Variants in TBC1D32 observed in about 807,000 individuals in gnomAD.
The protein encoded by TBC1D32 is protein broad-minded.
In TBC1D32, 151 loss-of-function variants were observed where a neutral mutation model predicts 170.3. The ratio of observed to expected loss-of-function variants is 0.89; its 90% confidence interval spans 0.78 to 1.01. The LOEUF (loss-of-function observed/expected upper bound fraction) is 1.01, where lower values mean the gene tolerates loss of function less well. Among genes scored for constraint, TBC1D32 ranks in the 50% least tolerant of loss-of-function variants. The pLI is 0.00. For synonymous variants in TBC1D32, 498 were observed against 488.0 expected (o/e 1.02, Z -0.27); for missense variants, 1,464 against 1,457.1 (o/e 1.00, Z -0.08).
At chr6:121,123,740 A>G (rs1158579235) in intron 26 of TBC1D32, among the ~76,000 whole-genome samples, 1 of 151,912 alleles carries the variant, frequency 6.6e-6, no homozygotes, top group African/African-American at 2.4e-5. Context: ...CAATGTTACT[A>G]TTAATAATAA....
Position 121,321,768 on chromosome 6 carries a change from T to C in TBC1D32, c.182A>G (p.Gln61Arg). The C allele has an allele frequency of 6.2e-7, 1 of 1,611,040 alleles. No individual in the cohort carries two copies. The highest frequency in any genetic ancestry group is 8.5e-7 in the Non-Finnish European group (1 of 1,179,156). Residue 61 changes from glutamine to arginine, a missense_variant, in exon 2 of 32, where the codon CAG becomes CGG. Gln to Arg is a conservative substitution (Grantham distance 43). Transcript: ENST00000398212. The stretch of plus-strand genomic sequence containing the variant: ...AGAACCCAAAGTGTTGCCTATATGC[T>C]GCCTGAGGTATTTCACAAATTCATA... Reference protein sequence around the residue: ...HNYEFVKYLRQHIGNTLGSMI... With the variant: ...HNYEFVKYLRRHIGNTLGSMI...
chr6:121,222,816 C>T (rs896936709), intron 21 of TBC1D32, among the ~76,000 whole-genome samples: 4 of 152,126 alleles, frequency 2.6e-5, no homozygotes, highest in Non-Finnish European at 5.9e-5. Context: ...GTATATACTG[C>T]CCTCATGGGG....
At chr6:121,321,567 T>C in intron 2 of TBC1D32, 66 bp downstream of exon 2, 1 of 1,460,494 alleles carries the variant, frequency 6.8e-7, no homozygotes, top group East Asian at 2.3e-5. Context: ...GGGACAGAGA[T>C]CAGGGTGCTG....
At chr6:121,143,727 T>C (rs890614142) in intron 24 of TBC1D32, among the ~76,000 whole-genome samples, 2 of 152,194 alleles carry the variant, frequency 1.3e-5, no homozygotes, top group Non-Finnish European at 2.9e-5. Flanking sequence ...ACCTTAAGCA[T>C]AGTATTTTTT....
At chr6:121,121,806 C>G (rs1008893506) in intron 26 of TBC1D32, among the ~76,000 whole-genome samples, 1 of 151,868 alleles carries the variant, frequency 6.6e-6, no homozygotes, top group Non-Finnish European at 1.5e-5. Context: ...AACACAAAAA[C>G]AACCCTAAAG....
At chr6:121,127,632 A>T (rs1780993384) in intron 25 of TBC1D32, among the ~76,000 whole-genome samples, 1 of 152,124 alleles carries the variant, frequency 6.6e-6, no homozygotes, top group Non-Finnish European at 1.5e-5. Context: ...AGGTGAGAGC[A>T]TTTCAATTCT....
chr6:121,325,208 T>A (rs1450061605), intron 1 of TBC1D32, among the ~76,000 whole-genome samples: 2 of 132,148 alleles, frequency 1.5e-5, no homozygotes, highest in East Asian at 4.3e-4. Context: ...CAAGACTCCA[T>A]CTCAAAAAAA....
chr6:121,248,353 C>T (rs922968171), intron 17 of TBC1D32, among the ~76,000 whole-genome samples: 2 of 151,942 alleles, frequency 1.3e-5, no homozygotes, highest in Non-Finnish European at 1.5e-5. Context: ...TAAATGCCTA[C>T]ATCAAAAAGT....
At chr6:121,245,461 C>T (rs1056984480) in intron 17 of TBC1D32, among the ~76,000 whole-genome samples, 1 of 152,144 alleles carries the variant, frequency 6.6e-6, no homozygotes, top group Non-Finnish European at 1.5e-5. Context: ...GAATGGCAGG[C>T]CTTGAGTCCC....
chr6:121,242,609 G>A (rs751856151), intron 17 of TBC1D32, among the ~76,000 whole-genome samples: 4 of 151,840 alleles, frequency 2.6e-5, no homozygotes, highest in African/African-American at 9.7e-5. Flanking sequence ...ATTATACCCA[G>A]GTTCTCTCAT....
intron 1 of TBC1D32, among the ~76,000 whole-genome samples, chr6:121,329,714 A>C (rs1810961576): frequency 6.6e-6 from 1 of 152,088 alleles, no homozygotes; most frequent in South Asian, 2.1e-4. Context: ...TCATATATGG[A>C]AAAAATTATC....
At chr6:121,289,737 G>A (rs1205088675) in intron 12 of TBC1D32, among the ~76,000 whole-genome samples, 2 of 152,226 alleles carry the variant, frequency 1.3e-5, no homozygotes, top group African/African-American at 2.4e-5. Flanking sequence ...CAGGCTACCT[G>A]ACTTCAAACT....
At chr6:121,170,446 A>G (rs762729425) in intron 22 of TBC1D32, 1 of 1,607,212 alleles carries the variant, frequency 6.2e-7, no homozygotes, top group Non-Finnish European at 8.5e-7. Context: ...CTTCTTGAGC[A>G]TTTAGTAACA....
intron 25 of TBC1D32, among the ~76,000 whole-genome samples, chr6:121,127,276 C>A (rs1287098265): frequency 6.6e-6 from 1 of 152,058 alleles, no homozygotes; most frequent in Non-Finnish European, 1.5e-5. Context: ...TCTTGGAGAA[C>A]AATTAGTGTT....
intron 17 of TBC1D32, among the ~76,000 whole-genome samples, chr6:121,251,463 C>A (rs1173529980): frequency 6.6e-6 from 1 of 152,048 alleles, no homozygotes; most frequent in Non-Finnish European, 1.5e-5. Context: ...GGAAAGGATT[C>A]CCTACTTAAT....
At chr6:121,108,206 T>C (rs989540785) in intron 29 of TBC1D32, among the ~76,000 whole-genome samples, 1 of 152,128 alleles carries the variant, frequency 6.6e-6, no homozygotes, top group East Asian at 1.9e-4. Flanking sequence ...GCCTCTATTT[T>C]ACAGTAAACA....
chr6:121,168,582 G>C (rs1726802030), intron 22 of TBC1D32, among the ~76,000 whole-genome samples: 2 of 92,874 alleles, frequency 2.2e-5, no homozygotes, highest in African/African-American at 7.8e-5. Context: ...GGAGGGGGGA[G>C]GGATAGCATT....
intron 15 of TBC1D32, among the ~76,000 whole-genome samples, chr6:121,262,692 G>A (rs1389798896): frequency 6.6e-6 from 1 of 152,036 alleles, no homozygotes; most frequent in Admixed American, 6.6e-5. Context: ...GGCCAGGCTG[G>A]TCTCGAACTC....
intron 3 of TBC1D32, among the ~76,000 whole-genome samples, chr6:121,313,401 A>G (rs923268259): frequency 6.6e-6 from 1 of 150,768 alleles, no homozygotes; most frequent in African/African-American, 2.4e-5. Flanking sequence ...CTTCTGCCTC[A>G]GCCTCCCGAG....
Sources: allele counts gnomAD v4.1 joint callset (sites outside exome capture counted in the v4.1 genomes callset), GRCh38; gene constraint gnomAD v4.1.1; transcripts MANE v1.5; gene names NCBI Gene and HGNC (gene_info 2026-07-23, HGNC 2026-07-21).